Variants in RAD50 observed in about 807,000 individuals in gnomAD.
The protein encoded by RAD50 is DNA repair protein RAD50.
A neutral mutation model predicts 168.8 loss-of-function variants in RAD50; 132 were observed. The observed-to-expected ratio is 0.78, with a 90% CI of 0.68 to 0.90. The LOEUF (loss-of-function observed/expected upper bound fraction) is 0.90, where lower values mean the gene tolerates loss of function less well. Ranked by LOEUF, RAD50 falls within the 40% of genes least tolerant of loss-of-function variation. The pLI, the probability that RAD50 is intolerant of heterozygous loss-of-function variation, is 0.00. For missense variants in RAD50, 1,347 were observed against 1,534.4 expected (o/e 0.88, Z 2.04); for synonymous variants, 525 against 497.4 (o/e 1.06, Z -0.74).
intron 12 of RAD50, 157 bp downstream of exon 12, chr5:132,595,201 G>A: frequency 1.3e-6 from 1 of 791,620 alleles, no homozygotes. Context: ...TGTGACTTTA[G>A]GCAAGTTACT....
At chr5:132,578,946 T>C (rs1750450313) in intron 3 of RAD50, among the ~76,000 whole-genome samples, 1 of 152,234 alleles carries the variant, frequency 6.6e-6, no homozygotes, top group South Asian at 2.1e-4. Context: ...AAGATGTTTT[T>C]AACTTACCTT....
intron 2 of RAD50, among the ~76,000 whole-genome samples, chr5:132,564,107 T>C (rs1161552078): frequency 6.6e-6 from 1 of 152,094 alleles, no homozygotes; most frequent in Admixed American, 6.5e-5. Context: ...ATGCAGAAAG[T>C]TGGTACCGAG....
Position 132,589,733 on chromosome 5 carries a change from C to T in RAD50, c.1348C>T (p.Leu450=), listed in dbSNP as rs754278187. ...AATAATTGAGTTAAAATCAGAAATC[C>T]TAAGTAAGAAGCAGAATGAGCTGAA... is the stretch of plus-strand genomic sequence containing the variant. ...GRIIELKSEI[L]SKKQNELKNV... Residue 450 remains leucine, a synonymous_variant, in exon 9 of 25, where the codon CTA becomes TTA. Coordinates refer to ENST00000378823, the MANE Select transcript of RAD50 (RefSeq NM_005732.4). 7.4e-6 allele frequency: 12 copies of T among 1,612,884 alleles called. No homozygotes were observed. The Admixed American group carries it at 1.0e-4, about 13-fold the overall frequency.
At position 132,591,021 on chromosome 5, in the gene RAD50, C is replaced by G. The variant is rs10520117; in HGVS notation, c.1453-203C>G. Among the ~76,000 whole-genome samples, 6,209 of 152,242 alleles carry G rather than the reference C, an allele frequency of 0.041. 359 individuals carry two copies. The highest frequency in any genetic ancestry group is 0.13 in the African/African-American group (5,577 of 41,514). On this transcript the variant is annotated intron_variant, in intron 9 of 24. Transcript: ENST00000378823. ...CCTTCTAGGTTTATTTACTAATTCT[C>G]TACCATTATAACATAGTAAGGTCAC...
intron 1 of RAD50, 35 bp downstream of exon 1, chr5:132,557,488 C>G: frequency 6.2e-7 from 1 of 1,613,242 alleles, no homozygotes; most frequent in Non-Finnish European, 8.5e-7. Flanking sequence ...GTTTACAGGT[C>G]GCTACATCTT....
intron 2 of RAD50, among the ~76,000 whole-genome samples, chr5:132,570,442 CATCAATT>C (rs1750282343): frequency 6.6e-6 from 1 of 152,254 alleles, no homozygotes; most frequent in African/African-American, 2.4e-5. Flanking sequence ...TAGCTACCTT[CATCAATT>C]ACCTGAGCTA....
chr5:132,622,288 A>T (rs1751299843), intron 21 of RAD50, among the ~76,000 whole-genome samples: 1 of 151,820 alleles, frequency 6.6e-6, no homozygotes, highest in Non-Finnish European at 1.5e-5. Flanking sequence ...AGCCTCCCAG[A>T]TAGCTGGAAT....
Position 132,559,306 on chromosome 5 carries a change from A to G in RAD50, c.152A>G (p.Tyr51Cys), listed in dbSNP as rs149010606. The G allele has an allele frequency of 3.1e-6, 5 of 1,607,130 alleles. No individual in the cohort carries two copies. Among genetic ancestry groups the G allele is most frequent in the East Asian group, 4.5e-5 (2 of 44,664 alleles). Residue 51 changes from tyrosine (Y) to cysteine (C), a missense_variant, in exon 2 of 25, where the codon TAT becomes TGT. Physicochemically the swap from Tyr to Cys is radical, Grantham distance 194 (BLOSUM62 -2). This residue lies in a region of RAD50 where 703 missense variants were observed against 767.7 expected (regional missense o/e 0.92). Coordinates refer to ENST00000378823, the MANE Select transcript of RAD50 (RefSeq NM_005732.4). ...TAGACCATCATTGAATGTCTAAAAT[A>G]TATTTGTACTGGAGATTTCCCTCCT... Reference protein sequence around the residue: ...GKTTIIECLKYICTGDFPPGT... With the variant: ...GKTTIIECLKCICTGDFPPGT...
chr5:132,625,232 G>A (rs1041905961), intron 21 of RAD50, among the ~76,000 whole-genome samples: 8 of 150,164 alleles, frequency 5.3e-5, no homozygotes, highest in Non-Finnish European at 8.9e-5. Context: ...GACTACAGGC[G>A]CCCGCCACTA....
At chr5:132,623,655 T>G (rs766944829) in intron 21 of RAD50, among the ~76,000 whole-genome samples, 1 of 152,238 alleles carries the variant, frequency 6.6e-6, no homozygotes, top group Non-Finnish European at 1.5e-5. Flanking sequence ...GTCTATCTAG[T>G]AGTTCTGTTC....
At chr5:132,571,825 A>G (rs568585697) in intron 2 of RAD50, among the ~76,000 whole-genome samples, 2 of 152,358 alleles carry the variant, frequency 1.3e-5, no homozygotes, top group East Asian at 1.9e-4. Context: ...TCGCTTGTAT[A>G]ATATTCTTGC....
At chr5:132,586,909 G>A (rs1471334288) in intron 5 of RAD50, among the ~76,000 whole-genome samples, 1 of 152,164 alleles carries the variant, frequency 6.6e-6, no homozygotes, top group African/African-American at 2.4e-5. Flanking sequence ...TTGTAAAAAT[G>A]TCTTAGAAGA....
rs1750626463 is a variant in RAD50 at position 132,588,020 on chromosome 5, G to C, written c.982G>C (p.Glu328Gln). The change falls in exon 7 of 25, where the codon GAA becomes CAA. Residue 328 changes from glutamate to glutamine, a missense_variant. Transcript: ENST00000378823. ...KERKLVDCHR[E>Q]LEKLNKESRL... ...AAGGAAATTGGTAGACTGTCATCGTGAACTGGAAAAACTAAATAAAGAATC... is the reference window on the plus strand; with the variant it reads ...AAGGAAATTGGTAGACTGTCATCGTCAACTGGAAAAACTAAATAAAGAATC... 4 of 1,612,176 alleles carry C rather than the reference G, an allele frequency of 2.5e-6. No homozygotes were observed. Among genetic ancestry groups the C allele is most frequent in the Non-Finnish European group, 3.4e-6 (4 of 1,178,532 alleles).
rs1241001874 is a variant in RAD50 at position 132,625,112 on chromosome 5, A to G, written c.3389+6818A>G. On this transcript the variant is annotated intron_variant, in intron 21 of 24. Coordinates refer to ENST00000378823, the MANE Select transcript of RAD50 (RefSeq NM_005732.4). ...TTCTTTTTTTTTTTTTTTGAGACGG[A>G]GTCTCGCTCTGTCGCCCAGGCTGGA... Among the ~76,000 whole-genome samples the G allele has an allele frequency of 5.5e-4, 80 of 146,184 alleles. 1 individual carries two copies. The highest frequency in any genetic ancestry group is 1.0e-4 in the Non-Finnish European group (7 of 66,808).
At chr5:132,577,415 C>T (rs916752917) in intron 3 of RAD50, among the ~76,000 whole-genome samples, 1 of 152,178 alleles carries the variant, frequency 6.6e-6, no homozygotes, top group African/African-American at 2.4e-5. Context: ...TTTTGCTGTG[C>T]AATGTAACAT....
intron 16 of RAD50, among the ~76,000 whole-genome samples, chr5:132,605,236 G>A (rs1287762371): frequency 6.6e-6 from 1 of 151,788 alleles, no homozygotes; most frequent in Non-Finnish European, 1.5e-5. Flanking sequence ...GTAGAGACGG[G>A]TTTTCGCCAT....
chr5:132,585,861 T>TCCCAAA (rs1750587949), intron 5 of RAD50, among the ~76,000 whole-genome samples: 1 of 152,148 alleles, frequency 6.6e-6, no homozygotes, highest in Non-Finnish European at 1.5e-5. Context: ...CCCAAAGTGC[T>TCCCAAA]GGGATTACAG....
intron 2 of RAD50, among the ~76,000 whole-genome samples, chr5:132,568,820 A>G (rs2149834244): frequency 6.6e-6 from 1 of 152,360 alleles, no homozygotes; most frequent in Admixed American, 6.5e-5. Context: ...GGCTTGCACT[A>G]TAGTAATTGT....
intron 6 of RAD50, 64 bp downstream of exon 6, chr5:132,587,754 G>A (rs577355406): frequency 3.6e-5 from 58 of 1,606,056 alleles, no homozygotes; most frequent in Non-Finnish European, 4.7e-5. Context: ...AACTTTATTT[G>A]AATCCATTTT....
Sources: allele counts gnomAD v4.1 joint callset (sites outside exome capture counted in the v4.1 genomes callset), GRCh38; gene constraint gnomAD v4.1.1; regional missense constraint gnomAD v4.1.1; transcripts MANE v1.5; gene names NCBI Gene and HGNC (gene_info 2026-07-23, HGNC 2026-07-21).